F7: variants seen among roughly 807,000 people sequenced by gnomAD.
The protein encoded by F7 is coagulation factor VII.
In F7, 38 loss-of-function variants were observed where a neutral mutation model predicts 47.5. The ratio of observed to expected loss-of-function variants is 0.80; its 90% CI spans 0.62 to 1.05. The LOEUF (loss-of-function observed/expected upper bound fraction) is 1.05. Ranked by LOEUF, F7 falls within the 50% of genes least tolerant of loss-of-function variation. The pLI is 0.00. For missense variants in F7, 575 were observed against 605.4 expected (o/e 0.95, Z 0.53); for synonymous variants, 244 against 258.5 (o/e 0.94, Z 0.54).
Position 113,119,629 on chromosome 13 carries a change from G to T in F7, c.*621G>T, listed in dbSNP as rs771890118. The T allele has an allele frequency of 6.1e-6, 1 of 163,342 alleles. No homozygotes were observed. Among genetic ancestry groups the T allele is most frequent in the Admixed American group, 5.9e-5 (1 of 16,874 alleles). The allele number at this position is 163,342 out of a possible 1,614,324, so 10.1% of individuals were successfully genotyped here. On this transcript the variant is annotated 3_prime_UTR_variant, in exon 8 of 8. Transcript: ENST00000346342. ...TGGATGCACGCACATGCCAATGCAC[G>T]CACACATCAGTGCACACGGATGCAC... is the stretch of plus-strand genomic sequence containing the variant.
In F7 at chr13:113,112,555, A is replaced by G. The variant is rs532487348; in HGVS notation, c.226-1197A>G. Reference sequence around the variant, plus strand: ...ACCTCCCTCTCACAGGTCACCTCACACTCACAGGACACCTCACAGAGGTCA... The same window carrying G: ...ACCTCCCTCTCACAGGTCACCTCACGCTCACAGGACACCTCACAGAGGTCA... On this transcript the variant is annotated intron_variant, in intron 2 of 7. Transcript: ENST00000346342. 4.3e-3 allele frequency among the ~76,000 whole-genome samples: 598 copies of G among 138,592 alleles called. 2 individuals carry two copies. Among genetic ancestry groups the G allele is most frequent in the Middle Eastern group, 0.026 (4 of 152 alleles). The allele number at this position is 138,592 out of a possible 152,430, so 90.9% of individuals were successfully genotyped here.
chr13:113,118,613 G>A lies in F7; in HGVS notation c.940G>A (p.Val314Met), dbSNP rs374305125. Residue 314 changes from valine (V) to methionine (M), a missense_variant, in exon 8 of 8, where the codon GTG becomes ATG. Coordinates refer to ENST00000346342, the MANE Select transcript of F7 (RefSeq NM_019616.4). Reference sequence around the variant, plus strand: ...GTTCTCTGAGAGGACGCTGGCCTTCGTGCGCTTCTCATTGGTCAGCGGCTG... The same window carrying A: ...GTTCTCTGAGAGGACGCTGGCCTTCATGCGCTTCTCATTGGTCAGCGGCTG... ...RTFSERTLAF[V>M]RFSLVSGWGQ... 1.9e-5 allele frequency: 31 copies of A among 1,612,924 alleles called. No homozygotes were observed. The highest frequency in any genetic ancestry group is 4.5e-5 in the East Asian group (2 of 44,876).
At chr13:113,110,047 C>T (rs912812107) in intron 1 of F7, among the ~76,000 whole-genome samples, 1 of 152,160 alleles carries the variant, frequency 6.6e-6, no homozygotes, top group African/African-American at 2.4e-5. Context: ...AGGACCGGCC[C>T]CAGGAGGATC....
intron 4 of F7, chr13:113,114,687 A>G (rs569020360): frequency 1.3e-5 from 2 of 154,714 alleles, no homozygotes; most frequent in African/African-American, 4.8e-5. Context: ...GGCTGACCTC[A>G]GTCTCAGCCC....
intron 2 of F7, 106 bp downstream of exon 2, chr13:113,110,956 A>G: frequency 3.0e-6 from 4 of 1,316,546 alleles, no homozygotes. Context: ...TGGGCGGCGA[A>G]CACGCAGCGG....
At chr13:113,117,657 G>A (rs867556192) in intron 7 of F7, 61 bp downstream of exon 7, 4 of 1,504,230 alleles carry the variant, frequency 2.7e-6, no homozygotes, top group Non-Finnish European at 1.8e-6. Context: ...TTCCCTGTCC[G>A]ACCGCGGTGC....
chr13:113,106,810 A>C (rs753843800), intron 1 of F7: 1 of 1,563,882 alleles, frequency 6.4e-7, no homozygotes, highest in African/African-American at 1.4e-5. Flanking sequence ...AGCTCACAGC[A>C]TGGCCTTATG....
At chr13:113,107,041 C>T in intron 1 of F7, 2 of 1,062,744 alleles carry the variant, frequency 1.9e-6, no homozygotes, top group Non-Finnish European at 2.8e-6. Context: ...GTGTTCCCTG[C>T]TCGAGAGGAA....
At chr13:113,110,510 G>T in intron 1 of F7, 180 bp from the exon 2 acceptor site, 1 of 753,946 alleles carries the variant, frequency 1.3e-6, no homozygotes, top group Admixed American at 2.8e-5. Flanking sequence ...ATGGGCGACG[G>T]GGGTGGCTGA....
At chr13:113,114,451 G>A (rs2036158978) in intron 4 of F7, 3 of 210,306 alleles carry the variant, frequency 1.4e-5, no homozygotes, top group Admixed American at 1.1e-4. Flanking sequence ...TACACTCACA[G>A]GTACCGTTTA....
chr13:113,112,734 TCACCTCACACCCACAGGA>T (rs1366656700), intron 2 of F7, among the ~76,000 whole-genome samples: 8 of 140,976 alleles, frequency 5.7e-5, no homozygotes, highest in Non-Finnish European at 1.2e-4. Context: ...CTCACAAAGG[TCACCTCACACCCACAGGA>T]CACCTCACAC....
rs571925054 is a variant in F7 at position 113,119,367 on chromosome 13, T to G, written c.*359T>G. On this transcript the variant is annotated 3_prime_UTR_variant, in exon 8 of 8. Transcript: ENST00000346342. Reference sequence around the variant, plus strand: ...CCCAGCTGAGCCTCCTTACCTCCCTTCAGCCAAGCCCACCTGCACGTGATC... The same window carrying G: ...CCCAGCTGAGCCTCCTTACCTCCCTGCAGCCAAGCCCACCTGCACGTGATC... 3.1e-6 allele frequency: 1 copy of G among 319,906 alleles called. No individual in the cohort carries two copies. Among genetic ancestry groups the G allele is most frequent in the East Asian group, 6.7e-5 (1 of 14,998 alleles). 19.8% of individuals were successfully genotyped at this position (319,906 alleles called of 1,614,324 possible). A position where few individuals can be genotyped will look rare whatever the true frequency, so the allele number is the denominator to read the frequency against.
At chr13:113,107,086 G>A (rs576255239) in intron 1 of F7, among the ~76,000 whole-genome samples, 2 of 152,206 alleles carry the variant, frequency 1.3e-5, no homozygotes, top group South Asian at 4.1e-4. Context: ...CTGGGACTGG[G>A]GTGCAGGCGA....
At chr13:113,111,002 G>T in intron 2 of F7, 152 bp downstream of exon 2, 1 of 876,404 alleles carries the variant, frequency 1.1e-6, no homozygotes, top group Non-Finnish European at 1.7e-6. Flanking sequence ...GTCGCTTTCC[G>T]CCCGGGGTGA....
At chr13:113,117,977 TTCTGCCCA>T (rs1405093065) in intron 7 of F7, among the ~76,000 whole-genome samples, 1 of 152,220 alleles carries the variant, frequency 6.6e-6, no homozygotes, top group Non-Finnish European at 1.5e-5. Flanking sequence ...GACTGGGGGC[TTCTGCCCA>T]TCCTGCCTCA....
intron 2 of F7, 104 bp downstream of exon 2, chr13:113,110,954 G>A (rs2036081325): frequency 2.2e-6 from 3 of 1,339,694 alleles, no homozygotes; most frequent in Admixed American, 3.2e-5. Flanking sequence ...TGTGGGCGGC[G>A]AACACGCAGC....
intron 1 of F7, chr13:113,106,868 G>A (rs775296543): frequency 9.3e-6 from 15 of 1,606,400 alleles, no homozygotes; most frequent in South Asian, 2.2e-5. Context: ...GGCCTCAGGA[G>A]GAGAAACACG....
chr13:113,119,380 CCTGCACGTGATCTGCTGGCCTCAGG>C lies in F7; in HGVS notation c.*377_*401del. 3.3e-6 allele frequency: 1 copy of C among 303,736 alleles called. No homozygotes were observed. The highest frequency in any genetic ancestry group is 6.2e-6 in the Non-Finnish European group (1 of 160,534). 18.8% of individuals were successfully genotyped at this position (303,736 alleles called of 1,614,324 possible). Reference sequence around the variant, plus strand: ...CCTTACCTCCCTTCAGCCAAGCCCACCTGCACGTGATCTGCTGGCCTCAGGCTGCTGCTCTGCCTTCATTGCTGGA... The same window carrying C: ...CCTTACCTCCCTTCAGCCAAGCCCACCTGCTGCTCTGCCTTCATTGCTGGA... On this transcript the variant is annotated 3_prime_UTR_variant, in exon 8 of 8. Transcript: ENST00000346342.
intron 2 of F7, among the ~76,000 whole-genome samples, chr13:113,112,113 T>A (rs1335414369): frequency 1.8e-4 from 15 of 84,256 alleles, no homozygotes; most frequent in East Asian, 1.7e-3. Flanking sequence ...CTCACAGAGG[T>A]CACCTCACAC....
Sources: gnomAD v4.1 joint callset for allele counts (sites outside exome capture counted in the v4.1 genomes callset) on GRCh38, gnomAD v4.1.1 for gene constraint, MANE v1.5 for transcripts, NCBI Gene and HGNC (gene_info 2026-07-23, HGNC 2026-07-21) for gene names.